Variants in TUT4 observed in about 807,000 individuals in gnomAD.
TUT4 encodes the protein terminal uridylyltransferase 4.
In TUT4, 36 loss-of-function variants were observed where a neutral mutation model predicts 192.2. The ratio of observed to expected loss-of-function variants is 0.19; its 90% CI spans 0.14 to 0.25. The LOEUF (loss-of-function observed/expected upper bound fraction) is 0.25. Ranked by LOEUF, TUT4 falls within the 10% of genes least tolerant of loss-of-function variation. The probability of loss-of-function intolerance (pLI) is 1.00; values close to 1 mark genes in which losing one functional copy is unlikely to be tolerated. For synonymous variants in TUT4, 618 were observed against 666.0 expected, an observed-to-expected ratio of 0.93 and a Z score of 1.11; for missense variants, 1,493 against 1,957.2, an observed-to-expected ratio of 0.76 and a Z score of 4.47.
chr1:52,528,696 A>C (rs879848535), intron 1 of TUT4, among the ~76,000 whole-genome samples: 30 of 152,132 alleles, frequency 2.0e-4, no homozygotes, highest in Admixed American at 4.6e-4. Context: ...ACTAAATTAC[A>C]AATTTAGGTA....
intron 8 of TUT4, 145 bp downstream of exon 8, chr1:52,490,587 C>T (rs1670911559): frequency 3.6e-6 from 2 of 553,342 alleles, no homozygotes; most frequent in Non-Finnish European, 6.3e-6. Flanking sequence ...GGTAAGCTTG[C>T]TATTTTTAAT....
At chr1:52,487,823 T>C (rs189012359) in intron 9 of TUT4, among the ~76,000 whole-genome samples, 134 of 152,310 alleles carry the variant, frequency 8.8e-4, no homozygotes, top group African/African-American at 3.1e-3. Context: ...GAGTGCCTAC[T>C]ATGTGCTGAC....
At chr1:52,429,879 C>A (rs926547947) in intron 28 of TUT4, among the ~76,000 whole-genome samples, 21 of 152,064 alleles carry the variant, frequency 1.4e-4, no homozygotes, top group Non-Finnish European at 2.8e-4. Context: ...CAGGTGTAAG[C>A]CACAGTGCCG....
Position 52,423,615 on chromosome 1 carries a change from G to C in TUT4, c.*320C>G, listed in dbSNP as rs2147977467. ...ATTCTCTCTTTATACAATTCATCAAGGTTAAACAAAACATAAAATTCCCTT... is the reference window on the plus strand; with the variant it reads ...ATTCTCTCTTTATACAATTCATCAACGTTAAACAAAACATAAAATTCCCTT... On this transcript the variant is annotated 3_prime_UTR_variant, in exon 30 of 30. Coordinates refer to ENST00000257177, the MANE Select transcript of TUT4 (RefSeq NM_001009881.3). The C allele has an allele frequency of 2.6e-6, 1 of 385,416 alleles. No individual in the cohort carries two copies. Among genetic ancestry groups the C allele is most frequent in the Non-Finnish European group, 4.8e-6 (1 of 208,618 alleles). The allele number at this position is 385,416 out of a possible 1,614,324, so 23.9% of individuals were successfully genotyped here.
chr1:52,500,175 G>C, intron 4 of TUT4, among the ~76,000 whole-genome samples: 1 of 151,620 alleles, frequency 6.6e-6, no homozygotes, highest in Non-Finnish European at 1.5e-5. Context: ...ATGGTCTAAT[G>C]ATTTTTGACA....
At chr1:52,431,650 T>C (rs1310279509) in intron 27 of TUT4, 190 bp from the exon 28 acceptor site, 12 of 418,832 alleles carry the variant, frequency 2.9e-5, no homozygotes, top group Admixed American at 8.1e-5. Flanking sequence ...AATCGTTTTA[T>C]TGTCCAAAGA....
At position 52,446,450 on chromosome 1, in the gene TUT4, TAA is replaced by T. The variant is rs55749039; in HGVS notation, c.3514-10_3514-9del. 2.1e-5 allele frequency: 29 copies of T among 1,361,976 alleles called. No individual in the cohort carries two copies. The highest frequency in any genetic ancestry group is 9.8e-5 in the South Asian group (7 of 71,442). 84.4% of individuals were successfully genotyped at this position (1,361,976 alleles called of 1,614,324 possible). ...TGAAGGTAAACGCTTTTTCTACATA[TAA>T]AAAAAAAAAGAAAAGAACAATGTCT... On this transcript the variant is annotated splice_polypyrimidine_tract_variant and intron_variant, in intron 21 of 29. Coordinates refer to ENST00000257177, the MANE Select transcript of TUT4 (RefSeq NM_001009881.3).
intron 1 of TUT4, among the ~76,000 whole-genome samples, chr1:52,536,796 G>A (rs776164004): frequency 6.6e-5 from 10 of 152,142 alleles, no homozygotes; most frequent in Non-Finnish European, 1.2e-4. Context: ...GGAGGTTGCA[G>A]TGAGCCGAGA....
chr1:52,432,777 C>G (rs1652497211), intron 27 of TUT4: 1 of 152,014 alleles, frequency 6.6e-6, no homozygotes, highest in Admixed American at 6.6e-5. Flanking sequence ...AAAAATTAGC[C>G]AAGTGTGGTG....
intron 14 of TUT4, among the ~76,000 whole-genome samples, chr1:52,469,647 T>C (rs1665152214): frequency 1.3e-5 from 2 of 152,022 alleles, no homozygotes; most frequent in African/African-American, 2.4e-5. Flanking sequence ...GCCCAGCACT[T>C]TGGGAGGCTG....
rs1336925669 is a variant in TUT4 at position 52,440,500 on chromosome 1, T to C, written c.3823-2165A>G. Among the ~76,000 whole-genome samples the C allele has an allele frequency of 2.6e-5, 4 of 151,434 alleles. No individual in the cohort carries two copies. In the East Asian group the frequency reaches 5.8e-4, roughly 22 times the overall value. On this transcript the variant is annotated intron_variant, in intron 24 of 29. Coordinates refer to ENST00000257177, the MANE Select transcript of TUT4 (RefSeq NM_001009881.3). ...CTTCATTACTACTGATAAATCAATG[T>C]AGCTAATTAAAATCATCATCCTAGT...
chr1:52,539,411 A>AAT (rs1685874052), intron 1 of TUT4, among the ~76,000 whole-genome samples: 1 of 152,188 alleles, frequency 6.6e-6, no homozygotes, highest in South Asian at 2.1e-4. Context: ...ACAGATAAGA[A>AAT]ATATAGCCAG....
rs142957972 is a variant in TUT4, at chr1:52,548,858, T to C, written c.-94+4073A>G. On this transcript the variant is annotated intron_variant, in intron 1 of 29. Coordinates refer to ENST00000257177, the MANE Select transcript of TUT4 (RefSeq NM_001009881.3). ...CTTGCATGAATAGCGTCTCCCTTCT[T>C]CCAGCCCATGCTCTTCAATGCCTTA... Among the ~76,000 whole-genome samples the C allele has an allele frequency of 1.1e-4, 17 of 152,342 alleles. No individual in the cohort carries two copies. The East Asian group carries it at 3.1e-3, about 28-fold the overall frequency.
chr1:52,459,292 A>C (rs1459156497), intron 19 of TUT4, among the ~76,000 whole-genome samples: 1 of 151,990 alleles, frequency 6.6e-6, no homozygotes, highest in Non-Finnish European at 1.5e-5. Context: ...TCTCAAAAAA[A>C]AAAAAGAACA....
chr1:52,449,404 T>C (rs531579827), intron 20 of TUT4, among the ~76,000 whole-genome samples: 6 of 152,318 alleles, frequency 3.9e-5, no homozygotes, highest in Middle Eastern at 3.4e-3. Flanking sequence ...GTTCAAGCCA[T>C]TCTTGTGCCT....
At chr1:52,473,611 T>C (rs1415102713) in intron 13 of TUT4, among the ~76,000 whole-genome samples, 1 of 152,146 alleles carries the variant, frequency 6.6e-6, no homozygotes, top group Non-Finnish European at 1.5e-5. Flanking sequence ...AAACAGGCAA[T>C]ACTATTTAAT....
chr1:52,535,714 A>C (rs1684729365), intron 1 of TUT4, among the ~76,000 whole-genome samples: 1 of 152,220 alleles, frequency 6.6e-6, no homozygotes, highest in Admixed American at 6.5e-5. Flanking sequence ...GCGTAAACTC[A>C]AAGAAATCCA....
At position 52,551,741 on chromosome 1, in the gene TUT4, C is replaced by A. The variant is rs114055401; in HGVS notation, c.-94+1190G>T. Among the ~76,000 whole-genome samples the A allele has an allele frequency of 9.0e-3, 1,367 of 152,256 alleles. 23 individuals carry two copies. The highest frequency in any genetic ancestry group is 0.031 in the African/African-American group (1,298 of 41,542). ...AGTCGGCTTTTCTTTTTAAACCATC[C>A]CACAATTCAACACCTCTCGGTGGTA... On this transcript the variant is annotated intron_variant, in intron 1 of 29. Transcript: ENST00000257177.
At chr1:52,463,347 G>A in intron 16 of TUT4, 2 of 995,770 alleles carry the variant, frequency 2.0e-6, no homozygotes, top group Non-Finnish European at 2.4e-6. Context: ...TTTAAGTAAA[G>A]GAGAACAAAT....
Sources: allele counts gnomAD v4.1 joint callset (sites outside exome capture counted in the v4.1 genomes callset), GRCh38; gene constraint gnomAD v4.1.1; transcripts MANE v1.5; gene names NCBI Gene and HGNC (gene_info 2026-07-23, HGNC 2026-07-21).